PVRIG: variants seen among roughly 807,000 people sequenced by gnomAD.
PVRIG encodes PVR related immunoglobulin domain containing.
PVRIG carries 16 observed loss-of-function variants against 21.9 expected under a neutral mutation model. That is an observed-to-expected ratio of 0.73 (90% confidence interval 0.50 to 1.11). PVRIG has a LOEUF of 1.11. Among genes scored for constraint, PVRIG ranks in the 50% most tolerant of loss-of-function variants. The pLI is 0.00. For missense variants in PVRIG, 435 were observed against 445.7 expected (o/e 0.98, Z 0.22); for synonymous variants, 190 against 181.0 (o/e 1.05, Z -0.40).
intron 1 of PVRIG, chr7:100,219,410 G>A (rs1419860479): frequency 1.0e-5 from 2 of 199,214 alleles, no homozygotes; most frequent in African/African-American, 2.4e-5. Flanking sequence ...GGTGCGTTCA[G>A]GGTAGATCAG....
exon 6 of PVRIG, chr7:100,221,473 A>G: frequency 2.2e-6 from 1 of 458,454 alleles, no homozygotes; most frequent in Non-Finnish European, 3.8e-6. Context: ...TCAGCAACAC[A>G]GTTTCTCTGA....
exon 6 of PVRIG, chr7:100,221,087 G>A (rs760392937): frequency 1.7e-5 from 28 of 1,613,870 alleles, no homozygotes; most frequent in Middle Eastern, 1.6e-4. Context: ...GGGCCCTGCC[G>A]CCTGGGCCTC....
chr7:100,220,624 C>T lies in PVRIG; in HGVS notation c.547C>T (p.Leu183Phe), dbSNP rs759476342. ...GATCTTGGGGGTCTCAGGAGTCCTC[C>T]TCTTTGGCTGTGTCTACCTCCTTCA... is the stretch of plus-strand genomic sequence containing the variant. The change falls in exon 4 of 6, where the codon CTC (leucine) becomes TTC (phenylalanine). Residue 183 changes from leucine (L) to phenylalanine (F), a missense_variant. By Grantham distance (22) the Leu-to-Phe change is conservative (BLOSUM62 0). Transcript: ENST00000317271. 5 of 1,611,782 alleles carry T rather than the reference C, an allele frequency of 3.1e-6. No individual in the cohort carries two copies. The South Asian group carries it at 4.4e-5, about 14-fold the overall frequency.
chr7:100,221,109 C>T, exon 6 of PVRIG: 2 of 1,614,018 alleles, frequency 1.2e-6, no homozygotes, highest in Non-Finnish European at 1.7e-6. Flanking sequence ...ACACCCATCC[C>T]TGCACGTGGC....
At position 100,220,000 on chromosome 7, in the gene PVRIG, G is replaced by A; in HGVS notation, c.90G>A (p.Trp30Ter). 6.2e-7 allele frequency: 1 copy of A among 1,600,924 alleles called. No homozygotes were observed. Among genetic ancestry groups the A allele is most frequent in the Non-Finnish European group, 8.5e-7 (1 of 1,174,896 alleles). Residue 30 changes from tryptophan to a stop codon, truncating the protein, a stop_gained, in exon 2 of 6, where the codon TGG (tryptophan) becomes TGA (stop). Transcript: ENST00000317271. LOFTEE classifies it high-confidence loss of function. Reference sequence around the variant, plus strand: ...GGCACCGGACCCTGGTCCTGCCCTGGGTGCTGCTGACCTTGTGTGTCACTG... The same window carrying A: ...GGCACCGGACCCTGGTCCTGCCCTGAGTGCTGCTGACCTTGTGTGTCACTG...
exon 6 of PVRIG, chr7:100,221,296 G>C (rs750479342): frequency 7.0e-7 from 1 of 1,437,540 alleles, no homozygotes; most frequent in Non-Finnish European, 9.2e-7. Flanking sequence ...CAGGCCTCCT[G>C]GGTGTCACCC....
Position 100,220,555 on chromosome 7 carries a change from GC to G in PVRIG, c.482del (p.Pro161ArgfsTer163), listed in dbSNP as rs1563027389. 1 of 1,611,776 alleles carries G rather than the reference GC, an allele frequency of 6.2e-7. No individual in the cohort carries two copies. The highest frequency in any genetic ancestry group is 1.7e-5 in the Admixed American group (1 of 59,974). ...CTTGTCTCCGTGCCCAGGGCTCTCTGCCCCGCCGACTCCTGCCCCCATTCTG... is the reference window on the plus strand; with the variant it reads ...CTTGTCTCCGTGCCCAGGGCTCTCTGCCCGCCGACTCCTGCCCCCATTCTG... On this transcript the variant is annotated frameshift_variant, in exon 4 of 6. Transcript: ENST00000317271. LOFTEE classifies it high-confidence loss of function.
rs780839347 is a variant in PVRIG, at chr7:100,220,904, C to T, written c.658-24C>T. On this transcript the variant is annotated intron_variant, in intron 5 of 5. Coordinates refer to ENST00000317271, the Ensembl canonical transcript of PVRIG. ...GCTGGGCCCAAGCTGTGCAGACTCACTTGACCCTCCTTCCCCCGCGCAGGC... is the reference window on the plus strand; with the variant it reads ...GCTGGGCCCAAGCTGTGCAGACTCATTTGACCCTCCTTCCCCCGCGCAGGC... 15 of 1,580,628 alleles carry T rather than the reference C, an allele frequency of 9.5e-6. No individual in the cohort carries two copies. In the East Asian group the frequency reaches 2.9e-4, roughly 31 times the overall value.
exon 6 of PVRIG, chr7:100,220,972 C>T (rs1803205814): frequency 1.9e-6 from 3 of 1,594,364 alleles, no homozygotes; most frequent in Non-Finnish European, 1.7e-6. Flanking sequence ...TCCCTTATGC[C>T]ACTATCAACA....
chr7:100,219,472 T>G, intron 1 of PVRIG: 1 of 231,022 alleles, frequency 4.3e-6, no homozygotes, highest in Non-Finnish European at 8.7e-6. Context: ...GGGGGAGGCC[T>G]GCATTGCAGG....
exon 3 of PVRIG, chr7:100,220,155 G>C: frequency 6.3e-7 from 1 of 1,598,590 alleles, no homozygotes; most frequent in Non-Finnish European, 8.5e-7. Context: ...GGAGGCCACC[G>C]AGCTCTCGTC....
exon 4 of PVRIG, chr7:100,220,653 G>A (rs1803171275): frequency 6.2e-7 from 1 of 1,611,172 alleles, no homozygotes; most frequent in Non-Finnish European, 8.5e-7. Context: ...TCCTTCATCT[G>A]CTGCGCCGAC....
chr7:100,219,635 C>G (rs572444724), intron 1 of PVRIG: 1 of 541,188 alleles, frequency 1.8e-6, no homozygotes, highest in Non-Finnish European at 3.3e-6. Flanking sequence ...TAGGGAAGCC[C>G]GGCACCCCTT....
exon 2 of PVRIG, chr7:100,219,750 C>T: frequency 1.0e-5 from 7 of 679,746 alleles, no homozygotes; most frequent in Non-Finnish European, 1.8e-5. Context: ...CCTGTGCCGC[C>T]CTGCCTTGTT....
At chr7:100,219,666 C>T in intron 1 of PVRIG, 1 of 582,548 alleles carries the variant, frequency 1.7e-6, no homozygotes, top group South Asian at 2.0e-5. Flanking sequence ...GAAGGGGAGT[C>T]CTTCTAGCCC....
exon 3 of PVRIG, chr7:100,220,456 C>T (rs1392078541): frequency 6.2e-7 from 1 of 1,610,852 alleles, no homozygotes; most frequent in Non-Finnish European, 8.5e-7. Context: ...CCGCCCAGCT[C>T]AGACCCAGGT....
At chr7:100,221,042 G>C (rs1283724440) in exon 6 of PVRIG, 2 of 1,613,338 alleles carry the variant, frequency 1.2e-6, no homozygotes, top group African/African-American at 2.7e-5. Flanking sequence ...GTCCTGGTGG[G>C]CGTCACTCCC....
Position 100,220,764 on chromosome 7 carries a change from G to GC in PVRIG, c.605dup (p.Arg203Ter). 1.2e-6 allele frequency: 2 copies of GC among 1,606,146 alleles called. No individual in the cohort carries two copies. Among genetic ancestry groups the GC allele is most frequent in the Non-Finnish European group, 1.7e-6 (2 of 1,179,922 alleles). ...ACCATCCTTGCTCTCTCCCAGCCCT[G>GC]CCCCTAGGCTCCAGCCGTCCCGCAC... On this transcript the variant is annotated frameshift_variant, in exon 5 of 6. Coordinates refer to ENST00000317271, the Ensembl canonical transcript of PVRIG. LOFTEE classifies it high-confidence loss of function.
intron 4 of PVRIG, 26 bp from the exon 4 acceptor site, chr7:100,220,734 C>A: frequency 1.2e-6 from 2 of 1,607,066 alleles, no homozygotes; most frequent in Non-Finnish European, 1.7e-6. Flanking sequence ...CCCTGCAGAG[C>A]TCTGACCATC....
Sources: allele counts gnomAD v4.1 joint callset, GRCh38; gene constraint gnomAD v4.1.1; transcripts MANE v1.5; gene names NCBI Gene and HGNC (gene_info 2026-07-23, HGNC 2026-07-21).